The following MGAT4C variants were observed in gnomAD, a reference collection of about 807,000 sequenced individuals.
MGAT4C encodes the protein alpha-1,3-mannosyl-glycoprotein 4-beta-N-acetylglucosaminyltransferase C.
In MGAT4C, 19 loss-of-function variants were observed where a neutral mutation model predicts 40.1. The observed-to-expected ratio is 0.47, with a 90% CI of 0.33 to 0.70. The LOEUF (loss-of-function observed/expected upper bound fraction) is 0.70. Among genes scored for constraint, MGAT4C ranks in the 30% least tolerant of loss-of-function variants. The pLI is 0.02. For synonymous variants in MGAT4C, 181 were observed against 187.1 expected, an observed-to-expected ratio of 0.97 and a Z score of 0.27; for missense variants, 491 against 563.2, an observed-to-expected ratio of 0.87 and a Z score of 1.30.
chr12:86,800,193 C>T (rs545311504), intron 1 of MGAT4C, among the ~76,000 whole-genome samples: 2 of 151,958 alleles, frequency 1.3e-5, no homozygotes, highest in East Asian at 1.9e-4. Flanking sequence ...TTCTCCTTTT[C>T]CTGAGCCTCT....
chr12:86,668,903 C>T (rs907162814), intron 2 of MGAT4C, among the ~76,000 whole-genome samples: 1 of 151,786 alleles, frequency 6.6e-6, no homozygotes, highest in African/African-American at 2.4e-5. Context: ...CTCTGCTCCA[C>T]CCCCAGACAG....
In MGAT4C at chr12:85,967,800, A is replaced by G. The variant is rs1883434864; in HGVS notation, c.*11489T>C. ...TTGATATAGGGGAATCCTTGGAACT[A>G]TGTGTGAATATGTGTGTGTGAATTA... is the stretch of plus-strand genomic sequence containing the variant. On this transcript the variant is annotated 3_prime_UTR_variant, in exon 5 of 5. Coordinates refer to ENST00000611864, the MANE Select transcript of MGAT4C (RefSeq NM_001351288.2). 1 of 152,092 alleles carries G rather than the reference A, an allele frequency of 6.6e-6. No individual in the cohort carries two copies. The allele number at this position is 152,092 out of a possible 1,614,324, so 9.4% of individuals were successfully genotyped here. A position where few individuals can be genotyped will look rare whatever the true frequency, so the allele number is the denominator to read the frequency against.
intron 2 of MGAT4C, among the ~76,000 whole-genome samples, chr12:86,678,401 C>T (rs1949907468): frequency 6.6e-6 from 1 of 151,878 alleles, no homozygotes; most frequent in African/African-American, 2.4e-5. Context: ...GTAAGAACTT[C>T]CAAACCACTC....
intron 1 of MGAT4C, among the ~76,000 whole-genome samples, chr12:86,824,430 C>G (rs185822265): frequency 2.8e-4 from 42 of 151,382 alleles, no homozygotes; most frequent in African/African-American, 1.0e-3. Context: ...TAAATTTGTA[C>G]TAGTTTTCTT....
At chr12:86,505,339 T>A (rs1005215756) in intron 2 of MGAT4C, among the ~76,000 whole-genome samples, 3 of 152,204 alleles carry the variant, frequency 2.0e-5, no homozygotes, top group Admixed American at 1.3e-4. Flanking sequence ...CAGGAGATGA[T>A]GAATAAGGCT....
At chr12:86,327,582 T>G (rs1304459056) in intron 4 of MGAT4C, among the ~76,000 whole-genome samples, 2 of 152,158 alleles carry the variant, frequency 1.3e-5, no homozygotes, top group African/African-American at 4.8e-5. Flanking sequence ...TAAATCAAAT[T>G]TGTTTAAGTG....
chr12:86,185,675 C>A (rs1475952510), intron 1 of MGAT4C, among the ~76,000 whole-genome samples: 1 of 152,108 alleles, frequency 6.6e-6, no homozygotes, highest in African/African-American at 2.4e-5. Flanking sequence ...CAATTAACTG[C>A]AGATTGAAAA....
chr12:86,159,181 G>C (rs1192829471), intron 1 of MGAT4C, among the ~76,000 whole-genome samples: 1 of 152,048 alleles, frequency 6.6e-6, no homozygotes, highest in African/African-American at 2.4e-5. Context: ...GTCATGCATA[G>C]CTGTTATCAT....
intron 3 of MGAT4C, among the ~76,000 whole-genome samples, chr12:86,373,403 A>T (rs1449621956): frequency 4.6e-5 from 7 of 151,950 alleles, no homozygotes; most frequent in Admixed American, 4.6e-4. Flanking sequence ...AGACAATGAG[A>T]GTATAGCAAA....
intron 2 of MGAT4C, among the ~76,000 whole-genome samples, chr12:86,551,200 G>C (rs1353870219): frequency 1.3e-5 from 2 of 152,246 alleles, no homozygotes; most frequent in Non-Finnish European, 2.9e-5. Flanking sequence ...ATCAGCCTAA[G>C]AAACAACCCT....
intron 1 of MGAT4C, among the ~76,000 whole-genome samples, chr12:86,143,052 AC>A (rs778126636): frequency 6.6e-5 from 10 of 152,222 alleles, no homozygotes; most frequent in South Asian, 4.1e-4. Context: ...CAGAAACAGA[AC>A]CCTTACCAGA....
chr12:86,114,737 C>T (rs1425373150), intron 1 of MGAT4C, among the ~76,000 whole-genome samples: 1 of 151,884 alleles, frequency 6.6e-6, no homozygotes. Flanking sequence ...TGAGATTTGA[C>T]AAACCATGTC....
intron 2 of MGAT4C, among the ~76,000 whole-genome samples, chr12:86,485,441 G>A (rs1958003815): frequency 6.6e-6 from 1 of 152,212 alleles, no homozygotes; most frequent in Non-Finnish European, 1.5e-5. Context: ...TCATAATATA[G>A]CCTGTAGCAT....
chr12:86,713,398 T>C (rs1396777085), intron 2 of MGAT4C, among the ~76,000 whole-genome samples: 2 of 152,122 alleles, frequency 1.3e-5, no homozygotes, highest in Non-Finnish European at 2.9e-5. Flanking sequence ...TGAGGATGTA[T>C]CATCTTATTC....
At chr12:86,774,341 G>GTA (rs1951707726) in intron 1 of MGAT4C, among the ~76,000 whole-genome samples, 1 of 13,820 alleles carries the variant, frequency 7.2e-5, no homozygotes, top group Non-Finnish European at 1.5e-4. Context: ...CTTTCTTTCT[G>GTA]TCTCTCTCTC....
At chr12:86,245,131 A>G (rs1213031804) in intron 1 of MGAT4C, among the ~76,000 whole-genome samples, 1 of 152,146 alleles carries the variant, frequency 6.6e-6, no homozygotes, top group Non-Finnish European at 1.5e-5. Context: ...AATACACCAA[A>G]TGGTGAGATC....
intron 4 of MGAT4C, among the ~76,000 whole-genome samples, chr12:86,292,882 TA>T (rs1382829081): frequency 6.6e-6 from 1 of 151,916 alleles, no homozygotes. Flanking sequence ...TTCTAAATTA[TA>T]ACAGGCAATT....
chr12:86,131,914 A>T (rs1314405866), intron 1 of MGAT4C, among the ~76,000 whole-genome samples: 1 of 152,172 alleles, frequency 6.6e-6, no homozygotes, highest in Non-Finnish European at 1.5e-5. Flanking sequence ...CATTTAATTC[A>T]ATTGTAAGAA....
At chr12:86,622,566 CA>C (rs1962673756) in intron 2 of MGAT4C, among the ~76,000 whole-genome samples, 1 of 152,074 alleles carries the variant, frequency 6.6e-6, no homozygotes, top group African/African-American at 2.4e-5. Context: ...AGTAGTGTGA[CA>C]AAATTAGCCC....
Sources: allele counts gnomAD v4.1 joint callset (sites outside exome capture counted in the v4.1 genomes callset), GRCh38; gene constraint gnomAD v4.1.1; transcripts MANE v1.5; gene names NCBI Gene and HGNC (gene_info 2026-07-23, HGNC 2026-07-21).